FSTL5: variants seen among roughly 807,000 people sequenced by gnomAD.
FSTL5 encodes the protein follistatin-related protein 5.
Under a neutral mutation model 89.1 loss-of-function variants are expected in FSTL5, and 62 were observed. That is an observed-to-expected ratio of 0.70 (90% CI 0.57 to 0.86). The LOEUF is 0.86. FSTL5 is among the 40% of genes least tolerant of loss of function. The probability of loss-of-function intolerance (pLI) is 0.00; values close to 1 mark genes in which losing one functional copy is unlikely to be tolerated. For synonymous variants in FSTL5, 383 were observed against 346.2 expected, an observed-to-expected ratio of 1.11 and a Z score of -1.18; for missense variants, 1,057 against 1,001.6, an observed-to-expected ratio of 1.06 and a Z score of -0.75.
Position 161,806,475 on chromosome 4 carries a change from A to T in FSTL5, c.410-30401T>A, listed in dbSNP as rs77283214. Among the ~76,000 whole-genome samples, 1,133 of 152,260 alleles carry T rather than the reference A, an allele frequency of 7.4e-3. 12 individuals are homozygous for T. The highest frequency in any genetic ancestry group is 0.026 in the African/African-American group (1,062 of 41,562). Reference sequence around the variant, plus strand: ...AATTCATGGGATGAGTGTAAAAGAAAAGTATCCAACAATGAAGGGCAAATA... The same window carrying T: ...AATTCATGGGATGAGTGTAAAAGAATAGTATCCAACAATGAAGGGCAAATA... On this transcript the variant is annotated intron_variant, in intron 4 of 15. Transcript: ENST00000306100.
At chr4:161,875,374 G>A (rs1472474725) in intron 4 of FSTL5, among the ~76,000 whole-genome samples, 1 of 152,140 alleles carries the variant, frequency 6.6e-6, no homozygotes, top group East Asian at 1.9e-4. Context: ...CTAGCCTCTG[G>A]TTGGTTGCTT....
At chr4:161,853,483 G>T (rs1731625471) in intron 4 of FSTL5, among the ~76,000 whole-genome samples, 1 of 151,726 alleles carries the variant, frequency 6.6e-6, no homozygotes, top group East Asian at 1.9e-4. Context: ...GGCCAGGCTT[G>T]TCTCAAACTC....
rs1730718704 is a variant in FSTL5 at position 161,388,514 on chromosome 4, T to A, written c.1842-2065A>T. On this transcript the variant is annotated intron_variant, in intron 15 of 15. Coordinates refer to ENST00000306100, the MANE Select transcript of FSTL5 (RefSeq NM_020116.5). ...AAACATCATAAGTACCACTATGTAA[T>A]CTCAGATTTGTCTGAAAAACTAATG... The A allele has an allele frequency of 5.3e-5, 8 of 152,084 alleles. No individual in the cohort carries two copies. In the South Asian group the frequency reaches 1.7e-3, roughly 31 times the overall value. The allele number at this position is 152,084 out of a possible 1,614,324, so 9.4% of individuals were successfully genotyped here.
Position 161,481,081 on chromosome 4 carries a change from A to T in FSTL5, c.1547T>A (p.Val516Asp), listed in dbSNP as rs747346497. The change falls in exon 13 of 16, where the codon GTT (valine) becomes GAT (aspartate). Residue 516 changes from valine (V) to aspartate (D), a missense_variant. Coordinates refer to ENST00000306100, the MANE Select transcript of FSTL5 (RefSeq NM_020116.5). ...GACTCTGTCCAAAGTTGGCTGTGCA[A>T]CATAAATGAACTTGTCTTTGACATT... ...AVNVKDKFIYVAQPTLDRVLI... is the reference protein window; with the variant it reads ...AVNVKDKFIYDAQPTLDRVLI... The T allele has an allele frequency of 6.2e-7, 1 of 1,613,296 alleles. No individual in the cohort carries two copies. The highest frequency in any genetic ancestry group is 1.7e-5 in the Admixed American group (1 of 60,014).
At position 161,641,786 on chromosome 4, in the gene FSTL5, G is replaced by T. The variant is rs184696314; in HGVS notation, c.894+14542C>A. Reference sequence around the variant, plus strand: ...ATTACAGGCATGAGCCACCGCACCTGGCCCAAATTAGAGAGTTTTCAGTTG... The same window carrying T: ...ATTACAGGCATGAGCCACCGCACCTTGCCCAAATTAGAGAGTTTTCAGTTG... On this transcript the variant is annotated intron_variant, in intron 7 of 15. Coordinates refer to ENST00000306100, the MANE Select transcript of FSTL5 (RefSeq NM_020116.5). 1.8e-3 allele frequency among the ~76,000 whole-genome samples: 271 copies of T among 151,974 alleles called. 1 individual carries two copies. Among genetic ancestry groups the T allele is most frequent in the African/African-American group, 6.3e-3 (260 of 41,494 alleles).
chr4:161,614,350 T>A (rs560039518), intron 7 of FSTL5, among the ~76,000 whole-genome samples: 2 of 152,288 alleles, frequency 1.3e-5, no homozygotes, highest in African/African-American at 4.8e-5. Flanking sequence ...ATCTGTTTCC[T>A]TATTTTCAAA....
chr4:161,974,060 A>G (rs1263435060), intron 3 of FSTL5, among the ~76,000 whole-genome samples: 1 of 152,172 alleles, frequency 6.6e-6, no homozygotes, highest in Non-Finnish European at 1.5e-5. Flanking sequence ...AGGGATGTGA[A>G]GGACCTCTTC....
chr4:162,071,827 A>G (rs577724156), intron 2 of FSTL5, among the ~76,000 whole-genome samples: 4 of 151,984 alleles, frequency 2.6e-5, no homozygotes, highest in African/African-American at 9.6e-5. Context: ...CTAGAAATCA[A>G]TAATAAAAAA....
intron 3 of FSTL5, among the ~76,000 whole-genome samples, chr4:162,025,983 A>T (rs999712743): frequency 1.3e-5 from 2 of 151,998 alleles, no homozygotes; most frequent in African/African-American, 4.8e-5. Context: ...TATTCTAAAA[A>T]ATCCAAGCAA....
At chr4:161,437,264 A>G (rs567346051) in intron 15 of FSTL5, among the ~76,000 whole-genome samples, 102 of 152,062 alleles carry the variant, frequency 6.7e-4, no homozygotes, top group African/African-American at 2.4e-3. Flanking sequence ...GTGGGAAAAA[A>G]AGAAAGAAAA....
intron 15 of FSTL5, among the ~76,000 whole-genome samples, chr4:161,446,586 C>A (rs968141277): frequency 7.2e-5 from 11 of 151,976 alleles, no homozygotes; most frequent in Admixed American, 2.0e-4. Context: ...TTAAAAACCT[C>A]AATGTACATT....
intron 15 of FSTL5, among the ~76,000 whole-genome samples, chr4:161,435,568 T>C (rs1732531019): frequency 6.7e-6 from 1 of 149,856 alleles, no homozygotes; most frequent in South Asian, 2.1e-4. Context: ...TAAAAATAAC[T>C]AAAAGAGTAT....
At chr4:162,162,138 A>G (rs1001289416) in intron 1 of FSTL5, among the ~76,000 whole-genome samples, 2 of 152,076 alleles carry the variant, frequency 1.3e-5, no homozygotes, top group African/African-American at 4.8e-5. Context: ...GCTTGTGACA[A>G]TCACTCTCTT....
intron 3 of FSTL5, among the ~76,000 whole-genome samples, chr4:161,996,085 G>T (rs1736286417): frequency 6.6e-6 from 1 of 152,208 alleles, no homozygotes; most frequent in African/African-American, 2.4e-5. Flanking sequence ...CCTAGGAAAA[G>T]ATAGCTTTTG....
Position 161,585,973 on chromosome 4 carries a change from A to G in FSTL5, c.1015+1482T>C, listed in dbSNP as rs1016373183. 2.0e-5 allele frequency among the ~76,000 whole-genome samples: 3 copies of G among 152,216 alleles called. No individual in the cohort carries two copies. In the South Asian group the frequency reaches 6.2e-4, roughly 31 times the overall value. On this transcript the variant is annotated intron_variant, in intron 8 of 15. Transcript: ENST00000306100. ...GATTCAAAGACTTGATTATGTCTAGATACCAACTGTATTTTCACCAGAAAC... is the reference window on the plus strand; with the variant it reads ...GATTCAAAGACTTGATTATGTCTAGGTACCAACTGTATTTTCACCAGAAAC...
chr4:161,603,744 G>A (rs192115948), intron 7 of FSTL5, among the ~76,000 whole-genome samples: 2 of 152,196 alleles, frequency 1.3e-5, no homozygotes, highest in Non-Finnish European at 2.9e-5. Context: ...AATCATGTTC[G>A]AGAGACAGAA....
chr4:162,051,976 AT>A (rs1210584302), intron 2 of FSTL5, among the ~76,000 whole-genome samples: 4 of 151,698 alleles, frequency 2.6e-5, no homozygotes, highest in Non-Finnish European at 5.9e-5. Context: ...GAAATAAAAA[AT>A]ATAAACAAAA....
At chr4:161,543,802 A>G (rs988832310) in intron 8 of FSTL5, among the ~76,000 whole-genome samples, 1 of 152,096 alleles carries the variant, frequency 6.6e-6, no homozygotes, top group African/African-American at 2.4e-5. Context: ...ACAATAAACT[A>G]TCAGAAGAAA....
chr4:161,680,418 T>C (rs4691783), intron 6 of FSTL5, among the ~76,000 whole-genome samples: 148,890 of 151,846 alleles, frequency 0.98, 73,064 homozygotes, highest in Middle Eastern at 1. Context: ...AGCTTTAGTT[T>C]CACTAACGTT....
Sources: gnomAD v4.1 joint callset for allele counts (sites outside exome capture counted in the v4.1 genomes callset) on GRCh38, gnomAD v4.1.1 for gene constraint, MANE v1.5 for transcripts, NCBI Gene and HGNC (gene_info 2026-07-23, HGNC 2026-07-21) for gene names.